STAC: variants seen among roughly 807,000 people sequenced by gnomAD.
STAC encodes the protein SH3 and cysteine-rich domain-containing protein.
STAC carries 43 observed loss-of-function variants against 48.8 expected under a neutral mutation model. The observed-to-expected ratio is 0.88, with a 90% CI of 0.69 to 1.14. The LOEUF (loss-of-function observed/expected upper bound fraction) is 1.14, where lower values mean the gene tolerates loss of function less well. Ranked by LOEUF, STAC falls within the 50% of genes most tolerant of loss-of-function variation. STAC has a pLI of 0.00. For missense variants in STAC, 497 were observed against 504.0 expected, an observed-to-expected ratio of 0.99 and a Z score of 0.13; for synonymous variants, 193 against 179.5, an observed-to-expected ratio of 1.07 and a Z score of -0.60.
intron 2 of STAC, among the ~76,000 whole-genome samples, chr3:36,453,471 G>A (rs955790682): frequency 4.6e-5 from 7 of 152,214 alleles, no homozygotes; most frequent in Non-Finnish European, 1.0e-4. Flanking sequence ...CCCGGGCAGT[G>A]AGGGTCTTAG....
intron 1 of STAC, among the ~76,000 whole-genome samples, chr3:36,392,169 T>C (rs1345991468): frequency 6.6e-6 from 1 of 152,170 alleles, no homozygotes; most frequent in Non-Finnish European, 1.5e-5. Flanking sequence ...CCTCTCATAG[T>C]TTCCTCTCTG....
chr3:36,471,168 T>C (rs1490083405), intron 2 of STAC, among the ~76,000 whole-genome samples: 1 of 152,124 alleles, frequency 6.6e-6, no homozygotes, highest in Non-Finnish European at 1.5e-5. Flanking sequence ...ACTTCTTACA[T>C]GGCAGCAGCA....
intron 2 of STAC, among the ~76,000 whole-genome samples, chr3:36,466,236 T>C (rs1395792606): frequency 1.3e-5 from 2 of 152,202 alleles, no homozygotes; most frequent in African/African-American, 4.8e-5. Flanking sequence ...TTCTGGGTTC[T>C]ATATTCTGTT....
intron 5 of STAC, among the ~76,000 whole-genome samples, chr3:36,491,209 C>G (rs961970903): frequency 5.3e-5 from 8 of 152,204 alleles, no homozygotes; most frequent in Non-Finnish European, 1.2e-4. Context: ...GCCTGCATAG[C>G]AAAGCTTTGT....
At chr3:36,427,983 A>G (rs1405926942) in intron 1 of STAC, among the ~76,000 whole-genome samples, 1 of 152,200 alleles carries the variant, frequency 6.6e-6, no homozygotes, top group Non-Finnish European at 1.5e-5. Flanking sequence ...GTCACAAAAA[A>G]CAATGAAAAG....
intron 1 of STAC, among the ~76,000 whole-genome samples, chr3:36,407,830 A>G (rs1700114578): frequency 6.6e-6 from 1 of 152,232 alleles, no homozygotes; most frequent in South Asian, 2.1e-4. Context: ...AAGTCTGGGT[A>G]TAGGTTAGCT....
At chr3:36,428,014 A>G (rs1344185384) in intron 1 of STAC, among the ~76,000 whole-genome samples, 1 of 152,228 alleles carries the variant, frequency 6.6e-6, no homozygotes, top group Non-Finnish European at 1.5e-5. Flanking sequence ...TTCAAATTAA[A>G]TGAGAATAAA....
chr3:36,402,817 GT>G (rs1301805970), intron 1 of STAC, among the ~76,000 whole-genome samples: 19 of 152,160 alleles, frequency 1.2e-4, no homozygotes. Context: ...CTAAAGCAAA[GT>G]TGGCCTGTCC....
intron 2 of STAC, among the ~76,000 whole-genome samples, chr3:36,454,168 A>T (rs1696782748): frequency 1.3e-5 from 2 of 152,114 alleles, no homozygotes; most frequent in Non-Finnish European, 2.9e-5. Context: ...CACGCTGTGG[A>T]AGCTTTGTTC....
intron 2 of STAC, among the ~76,000 whole-genome samples, chr3:36,467,360 G>T (rs1470111480): frequency 6.6e-6 from 1 of 152,008 alleles, no homozygotes; most frequent in Non-Finnish European, 1.5e-5. Context: ...TGGATTCATA[G>T]AATGATTTAG....
chr3:36,388,918 T>G (rs1699680674), intron 1 of STAC, among the ~76,000 whole-genome samples: 1 of 152,202 alleles, frequency 6.6e-6, no homozygotes. Flanking sequence ...GTTTGATAAT[T>G]AATAATACAA....
chr3:36,467,168 C>A (rs1054714379), intron 2 of STAC, among the ~76,000 whole-genome samples: 1 of 151,998 alleles, frequency 6.6e-6, no homozygotes. Context: ...ATATGTTAAA[C>A]CATCCCTGCA....
intron 2 of STAC, among the ~76,000 whole-genome samples, chr3:36,453,395 G>T (rs562767662): frequency 6.6e-6 from 1 of 152,214 alleles, no homozygotes; most frequent in African/African-American, 2.4e-5. Flanking sequence ...GCGGGCCAGC[G>T]TGAGTTCCGG....
At chr3:36,519,008 A>G (rs1698738498) in intron 8 of STAC, among the ~76,000 whole-genome samples, 1 of 152,162 alleles carries the variant, frequency 6.6e-6, no homozygotes, top group Non-Finnish European at 1.5e-5. Flanking sequence ...AGCAGCCTCA[A>G]AGGGACGTGA....
chr3:36,459,714 G>T (rs919941993), intron 2 of STAC, among the ~76,000 whole-genome samples: 3 of 152,136 alleles, frequency 2.0e-5, no homozygotes. Flanking sequence ...TCCAAATTAT[G>T]ATAGATCAAA....
intron 2 of STAC, among the ~76,000 whole-genome samples, chr3:36,477,390 T>G (rs900664245): frequency 1.3e-5 from 2 of 152,178 alleles, no homozygotes; most frequent in East Asian, 3.8e-4. Flanking sequence ...TGAAATTGGA[T>G]TGAGGATTAA....
intron 8 of STAC, among the ~76,000 whole-genome samples, chr3:36,519,185 C>G (rs1698743154): frequency 6.6e-6 from 1 of 152,046 alleles, no homozygotes; most frequent in Admixed American, 6.5e-5. Flanking sequence ...AAGGCAAGCC[C>G]CATTACAAAA....
rs143988627 is a variant in STAC at position 36,387,930 on chromosome 3, G to A, written c.111+7176G>A. Among the ~76,000 whole-genome samples the A allele has an allele frequency of 2.2e-4, 33 of 152,072 alleles. No individual in the cohort carries two copies. The East Asian group carries it at 5.2e-3, about 24-fold the overall frequency. ...TGCCATCCTATTTTCCACAGTGGTC[G>A]CACAGTTTTGGATTCTGACGAGTAA... On this transcript the variant is annotated intron_variant, in intron 1 of 10. Transcript: ENST00000273183.
At chr3:36,430,026 A>G (rs758500223) in intron 1 of STAC, among the ~76,000 whole-genome samples, 21 of 152,126 alleles carry the variant, frequency 1.4e-4, no homozygotes, top group Non-Finnish European at 2.9e-4. Context: ...AGAAGGGAGG[A>G]CTCAAAGAGT....
Sources: gnomAD v4.1 joint callset for allele counts (sites outside exome capture counted in the v4.1 genomes callset) on GRCh38, gnomAD v4.1.1 for gene constraint, MANE v1.5 for transcripts, NCBI Gene and HGNC (gene_info 2026-07-23, HGNC 2026-07-21) for gene names.